MYT1L: variants seen among roughly 807,000 people sequenced by gnomAD.
The protein encoded by MYT1L is myelin transcription factor 1-like protein.
In MYT1L, 12 loss-of-function variants were observed where a neutral mutation model predicts 126.7. The observed-to-expected ratio is 0.09, with a 90% CI of 0.06 to 0.15. The LOEUF (loss-of-function observed/expected upper bound fraction) is 0.15. Ranked by LOEUF, MYT1L falls within the 10% of genes least tolerant of loss-of-function variation. The probability of loss-of-function intolerance (pLI) is 1.00; values close to 1 mark genes in which losing one functional copy is unlikely to be tolerated. For missense variants in MYT1L, 979 were observed against 1,585.2 expected (o/e 0.62, Z 6.49); for synonymous variants, 541 against 604.2 (o/e 0.90, Z 1.53).
At chr2:2,110,221 C>G (rs1355648696) in intron 3 of MYT1L, among the ~76,000 whole-genome samples, 2 of 151,924 alleles carry the variant, frequency 1.3e-5, no homozygotes, top group African/African-American at 4.8e-5. Flanking sequence ...AAACCTGCCC[C>G]TATTGAATGA....
chr2:2,273,781 C>T (rs971719209), intron 2 of MYT1L, among the ~76,000 whole-genome samples: 8 of 152,172 alleles, frequency 5.3e-5, no homozygotes, highest in African/African-American at 1.9e-4. Flanking sequence ...GGAAAAACAC[C>T]AGAAAAGTCA....
intron 2 of MYT1L, among the ~76,000 whole-genome samples, chr2:2,233,078 A>G (rs1370752227): frequency 6.6e-6 from 1 of 152,214 alleles, no homozygotes; most frequent in African/African-American, 2.4e-5. Flanking sequence ...TCACATAGGC[A>G]TTCCCTGAAG....
rs925907189 is a variant in MYT1L at position 1,912,222 on chromosome 2, A to C, written c.1619-112T>G. On this transcript the variant is annotated intron_variant, in intron 11 of 24. Coordinates refer to ENST00000647738, the MANE Select transcript of MYT1L (RefSeq NM_001303052.2). The surrounding 1 kb of genome is among the most constrained non-coding windows in gnomAD (Gnocchi z 4.3). ...CAGGTCGCTCATGATAGACAGTCCT[A>C]CAAACGTTTGTGATGGGCATGGCCA... 6.1e-6 allele frequency: 4 copies of C among 659,278 alleles called. No individual in the cohort carries two copies. In the Admixed American group the frequency reaches 1.3e-4, roughly 21 times the overall value. 40.8% of individuals were successfully genotyped at this position (659,278 alleles called of 1,614,324 possible). A position where few individuals can be genotyped will look rare whatever the true frequency, so the allele number is the denominator to read the frequency against.
chr2:2,207,238 C>T (rs2093354118), intron 2 of MYT1L, among the ~76,000 whole-genome samples: 1 of 152,174 alleles, frequency 6.6e-6, no homozygotes. Context: ...AGCATGATTA[C>T]TATGAATAAC....
At position 1,839,219 on chromosome 2, in the gene MYT1L, C is replaced by T; in HGVS notation, c.3010G>A (p.Gly1004Ser). ...CATCCTGGCGTGGGGCAGGACATGC[C>T]TTCCGTCTTGACCGACTTCCAGGAG... is the stretch of plus-strand genomic sequence containing the variant. ...QFSWKSVKTE[G>S]MSCPTPGCDG... Residue 1004 changes from glycine (G) to serine (S), a missense_variant, in exon 21 of 25, where the codon GGC becomes AGC. This residue lies in a region of MYT1L where 179 missense variants were observed against 398.6 expected (regional missense o/e 0.45). Transcript: ENST00000647738. The T allele has an allele frequency of 6.2e-7, 1 of 1,613,710 alleles. No homozygotes were observed. Among genetic ancestry groups the T allele is most frequent in the Non-Finnish European group, 8.5e-7 (1 of 1,179,890 alleles).
chr2:2,220,372 T>G (rs1019626397), intron 2 of MYT1L, among the ~76,000 whole-genome samples: 1 of 152,198 alleles, frequency 6.6e-6, no homozygotes, highest in African/African-American at 2.4e-5. Context: ...ATTTTCTGAT[T>G]GACAAGTGGC....
At chr2:2,301,057 T>C (rs13413965) in intron 1 of MYT1L, among the ~76,000 whole-genome samples, 38,185 of 151,910 alleles carry the variant, frequency 0.25, 5,122 homozygotes, top group South Asian at 0.42. Flanking sequence ...CCAGACCTTT[T>C]GCTCTGTGCC....
rs115673141 is a variant in MYT1L at position 2,107,235 on chromosome 2, G to A, written c.-303-53112C>T. Among the ~76,000 whole-genome samples, 1,309 of 152,306 alleles carry A rather than the reference G, an allele frequency of 8.6e-3. 19 individuals are homozygous for A. Among genetic ancestry groups the A allele is most frequent in the African/African-American group, 0.03 (1,253 of 41,556 alleles). ...AAGACCATCACCATGAAGCCCTGCC[G>A]GTGACGTCGAGCACAATCTCCTTCC... On this transcript the variant is annotated intron_variant, in intron 3 of 24. Transcript: ENST00000647738.
At chr2:1,930,430 T>C (rs537913512) in intron 9 of MYT1L, among the ~76,000 whole-genome samples, 36 of 152,266 alleles carry the variant, frequency 2.4e-4, no homozygotes, top group Non-Finnish European at 4.6e-4. Context: ...TCCACCTTGA[T>C]CTCCTTTTTT....
chr2:2,112,826 G>A (rs992904318), intron 3 of MYT1L, among the ~76,000 whole-genome samples: 2 of 152,214 alleles, frequency 1.3e-5, no homozygotes, highest in African/African-American at 4.8e-5. Context: ...TAATACCATG[G>A]CTCCAATATC....
chr2:2,007,886 A>T (rs188956269), intron 4 of MYT1L, among the ~76,000 whole-genome samples: 270 of 152,254 alleles, frequency 1.8e-3, no homozygotes, highest in Admixed American at 3.5e-3. Flanking sequence ...CCCAAACCCA[A>T]CTGCCTTTGT....
chr2:1,874,158 A>T (rs1212165740), intron 18 of MYT1L, among the ~76,000 whole-genome samples: 1 of 151,638 alleles, frequency 6.6e-6, no homozygotes, highest in South Asian at 2.1e-4. Flanking sequence ...TTCCCTCCAC[A>T]AACAACCCAG....
chr2:2,111,012 G>A (rs2079377667), intron 3 of MYT1L, among the ~76,000 whole-genome samples: 1 of 152,174 alleles, frequency 6.6e-6, no homozygotes, highest in African/African-American at 2.4e-5. Flanking sequence ...GGCTCCTCCT[G>A]GGAGGAACGC....
chr2:1,963,382 C>T (rs1478216049), intron 8 of MYT1L, among the ~76,000 whole-genome samples: 1 of 152,104 alleles, frequency 6.6e-6, no homozygotes, highest in East Asian at 1.9e-4. Context: ...TTCTTAAGGG[C>T]CTTAGAATTT....
intron 3 of MYT1L, among the ~76,000 whole-genome samples, chr2:2,106,424 C>G (rs551584858): frequency 6.6e-6 from 1 of 152,032 alleles, no homozygotes; most frequent in African/African-American, 2.4e-5. Context: ...TCAAGATCAG[C>G]CTGGCCAACA....
At chr2:1,931,936 C>T (rs186209710) in intron 9 of MYT1L, among the ~76,000 whole-genome samples, 30 of 152,292 alleles carry the variant, frequency 2.0e-4, no homozygotes, top group African/African-American at 7.0e-4. Context: ...CCCAGGAAGG[C>T]ACCTGTCCCC....
chr2:2,044,131 T>C (rs1574784739), intron 4 of MYT1L, among the ~76,000 whole-genome samples: 2 of 152,252 alleles, frequency 1.3e-5, no homozygotes, highest in East Asian at 3.9e-4. Flanking sequence ...ACATGTTCTG[T>C]TAACCTGTCT....
intron 21 of MYT1L, among the ~76,000 whole-genome samples, chr2:1,829,645 A>ACACCTGTGAACTGACCCTCCCATG (rs1558678908): frequency 2.5e-4 from 27 of 109,650 alleles, no homozygotes; most frequent in South Asian, 1.0e-3. Flanking sequence ...ACCCTCCCAT[A>ACACCTGTGAACTGACCCTCCCATG]CACCTGTGAA....
chr2:1,956,550 A>T (rs1341675007), intron 8 of MYT1L, among the ~76,000 whole-genome samples: 1 of 110,118 alleles, frequency 9.1e-6, no homozygotes, highest in Non-Finnish European at 1.9e-5. Context: ...TCTATCTATC[A>T]TCTATCCTAT....
Sources: gnomAD v4.1 joint callset for allele counts (sites outside exome capture counted in the v4.1 genomes callset) on GRCh38, gnomAD v4.1.1 for gene constraint, gnomAD v4.1.1 regional missense constraint, Gnocchi (gnomAD v3.1) non-coding constraint, MANE v1.5 for transcripts, NCBI Gene and HGNC (gene_info 2026-07-23, HGNC 2026-07-21) for gene names.